Variants in ARMH1 observed in about 807,000 individuals in gnomAD.
The protein encoded by ARMH1 is armadillo-like helical domain containing protein 1.
ARMH1 carries 34 observed loss-of-function variants against 50.2 expected under a neutral mutation model. The ratio of observed to expected loss-of-function variants is 0.68; its 90% confidence interval spans 0.51 to 0.90. The LOEUF is 0.90. ARMH1 is among the 40% of genes least tolerant of loss of function. ARMH1 has a pLI of 0.00. For synonymous variants in ARMH1, 221 were observed against 224.2 expected (o/e 0.99, Z 0.13); for missense variants, 538 against 553.9 (o/e 0.97, Z 0.29).
chr1:44,700,848 C>G, intron 4 of ARMH1, 75 bp from the exon 5 acceptor site: 1 of 1,298,768 alleles, frequency 7.7e-7, no homozygotes, highest in Non-Finnish European at 1.0e-6. Flanking sequence ...TAATCCTATT[C>G]ATATTATATA....
At chr1:44,712,474 A>G (rs553048404) in intron 6 of ARMH1, among the ~76,000 whole-genome samples, 1 of 151,154 alleles carries the variant, frequency 6.6e-6, no homozygotes, top group African/African-American at 2.4e-5. Flanking sequence ...GTCTCTACTA[A>G]AACTACAAAA....
chr1:44,689,787 C>T lies in ARMH1; in HGVS notation c.90C>T (p.His30=). Residue 30 remains histidine (H), a synonymous_variant, in exon 2 of 12, where the codon CAC becomes CAT. Coordinates refer to ENST00000535358, the MANE Select transcript of ARMH1 (RefSeq NM_001145636.2). ...ACGCTGGCAAAGTCGCAAGGAGTCA[C>T]ATCCTCGACAAGTTCATTGAAACCA... ...WDNAGKVARS[H]ILDKFIETNQ... The T allele has an allele frequency of 6.4e-7, 1 of 1,551,918 alleles. No homozygotes were observed. Among genetic ancestry groups the T allele is most frequent in the Non-Finnish European group, 8.7e-7 (1 of 1,147,042 alleles).
chr1:44,718,680 G>C (rs1646950443), intron 6 of ARMH1, among the ~76,000 whole-genome samples: 1 of 152,212 alleles, frequency 6.6e-6, no homozygotes, highest in Admixed American at 6.5e-5. Flanking sequence ...GGCTACCTTA[G>C]AAGACTTAGA....
chr1:44,724,091 G>T lies in ARMH1; in HGVS notation c.725-31G>T. On this transcript the variant is annotated intron_variant, in intron 6 of 11. Transcript: ENST00000535358. This position sits in a 1 kb window ranked among gnomAD's most constrained non-coding sequence, Gnocchi z 6.4. ...TTCCTCGGTGGCGGAGGGGCCTGGGGCCTCTCTCCAGCACCTCTGCCCTTC... is the reference window on the plus strand; with the variant it reads ...TTCCTCGGTGGCGGAGGGGCCTGGGTCCTCTCTCCAGCACCTCTGCCCTTC... 1 of 1,545,026 alleles carries T rather than the reference G, an allele frequency of 6.5e-7. No homozygotes were observed. Among genetic ancestry groups the T allele is most frequent in the Non-Finnish European group, 8.7e-7 (1 of 1,143,498 alleles).
At chr1:44,695,330 A>G (rs1005660171) in intron 2 of ARMH1, among the ~76,000 whole-genome samples, 2 of 152,252 alleles carry the variant, frequency 1.3e-5, no homozygotes, top group African/African-American at 4.8e-5. Context: ...CAGTTAGCAC[A>G]GTGCCCCGCA....
intron 3 of ARMH1, among the ~76,000 whole-genome samples, chr1:44,697,749 T>C (rs1380279596): frequency 6.6e-6 from 1 of 152,104 alleles, no homozygotes; most frequent in East Asian, 1.9e-4. Context: ...TGACATACCC[T>C]GTCACCTCCT....
intron 2 of ARMH1, among the ~76,000 whole-genome samples, chr1:44,695,774 C>G (rs989554868): frequency 6.6e-6 from 1 of 151,862 alleles, no homozygotes; most frequent in Non-Finnish European, 1.5e-5. Context: ...ACCCCTGTCT[C>G]TACAAAAAAT....
At chr1:44,675,363 G>A (rs1645100541) in intron 1 of ARMH1, among the ~76,000 whole-genome samples, 1 of 152,070 alleles carries the variant, frequency 6.6e-6, no homozygotes, top group African/African-American at 2.4e-5. Context: ...ATAGGGAGGG[G>A]GAAAGACTCT....
rs1450315929 is a variant in ARMH1 at position 44,689,892 on chromosome 1, G to T, written c.195G>T (p.Ser65=). ...ASLFLVRLTT[S]LRITYMTDSC... is the part of the protein sequence containing the mutation. ...TGTTCCTGGTACGCTTGACCACCTC[G>T]CTTAGAATCACGTATCCTTTACTGA... The change falls in exon 2 of 12, where the codon TCG becomes TCT. Residue 65 remains serine (S), a synonymous_variant. Transcript: ENST00000535358. The T allele has an allele frequency of 1.4e-5, 22 of 1,550,036 alleles. No homozygotes were observed. The highest frequency in any genetic ancestry group is 1.8e-5 in the Non-Finnish European group (21 of 1,146,868).
intron 6 of ARMH1, among the ~76,000 whole-genome samples, chr1:44,723,337 G>A (rs575999616): frequency 1.3e-5 from 2 of 152,282 alleles, no homozygotes; most frequent in South Asian, 2.1e-4. Context: ...ACCCAATGCC[G>A]CGCCTGGCAC....
At position 44,694,810 on chromosome 1, in the gene ARMH1, C is replaced by T. The variant is rs528705213; in HGVS notation, c.207-2292C>T. 3.3e-5 allele frequency among the ~76,000 whole-genome samples: 5 copies of T among 152,174 alleles called. No homozygotes were observed. In the South Asian group the frequency reaches 1.0e-3, roughly 32 times the overall value. On this transcript the variant is annotated intron_variant, in intron 2 of 11. Transcript: ENST00000535358. The stretch of plus-strand genomic sequence containing the variant: ...GGATTACAGGTGTGAGCCACTGGGC[C>T]CAGCCTATTGAGTCTTTTTATGTTC...
intron 5 of ARMH1, among the ~76,000 whole-genome samples, chr1:44,701,986 T>A (rs1646102514): frequency 6.6e-6 from 1 of 151,054 alleles, no homozygotes. Context: ...GTGCCTATAG[T>A]CCCAGCTGCT....
chr1:44,698,098 G>A lies in ARMH1; in HGVS notation c.311G>A (p.Gly104Asp). The A allele has an allele frequency of 6.4e-7, 1 of 1,551,588 alleles. No homozygotes were observed. The highest frequency in any genetic ancestry group is 1.2e-5 in the South Asian group (1 of 83,990). The part of the protein sequence containing the change: ...RYLIEFLEVG[G>D]VLTLLEILGL... ...CTTATAGAATTTCTTGAGGTTGGAGGTGTCCTAACCCTCTTGGAAATACTT... is the reference window on the plus strand; with the variant it reads ...CTTATAGAATTTCTTGAGGTTGGAGATGTCCTAACCCTCTTGGAAATACTT... Residue 104 changes from glycine to aspartate, a missense_variant, in exon 4 of 12, where the codon GGT (glycine) becomes GAT (aspartate). Gly to Asp is a moderately conservative substitution (Grantham distance 94). Transcript: ENST00000535358.
At chr1:44,716,763 A>G (rs1369055630) in intron 6 of ARMH1, among the ~76,000 whole-genome samples, 1 of 152,048 alleles carries the variant, frequency 6.6e-6, no homozygotes, top group Non-Finnish European at 1.5e-5. Context: ...GCCCACACAC[A>G]GTTCATTTTC....
At chr1:44,700,872 A>AT (rs889164293) in intron 4 of ARMH1, 51 bp from the exon 5 acceptor site, 7 of 1,448,308 alleles carry the variant, frequency 4.8e-6, no homozygotes, top group African/African-American at 1.4e-5. Context: ...TTGAGTGGGG[A>AT]TTTTTTCATA....
At chr1:44,721,644 G>GA (rs1197807864) in intron 6 of ARMH1, 2 of 152,102 alleles carry the variant, frequency 1.3e-5, no homozygotes, top group Non-Finnish European at 2.9e-5. Flanking sequence ...TGGGAGGATT[G>GA]CTTGAGCATG....
chr1:44,702,734 G>GA (rs1646145512), intron 5 of ARMH1, among the ~76,000 whole-genome samples: 1 of 141,848 alleles, frequency 7.0e-6, no homozygotes, highest in African/African-American at 2.6e-5. Context: ...AAAAAGAAAA[G>GA]AAAAGAAAAA....
intron 6 of ARMH1, among the ~76,000 whole-genome samples, chr1:44,710,272 T>G (rs1424365309): frequency 3.3e-5 from 5 of 152,064 alleles, no homozygotes; most frequent in Admixed American, 3.3e-4. Context: ...CTGTGTAAAG[T>G]TACTTAGGTT....
chr1:44,676,367 G>A lies in ARMH1; in HGVS notation c.-23+1494G>A, dbSNP rs140337675. Among the ~76,000 whole-genome samples the A allele has an allele frequency of 3.1e-3, 472 of 152,244 alleles. 5 individuals carry two copies. The East Asian group carries it at 0.037, about 12-fold the overall frequency. On this transcript the variant is annotated intron_variant, in intron 1 of 11. Coordinates refer to ENST00000535358, the MANE Select transcript of ARMH1 (RefSeq NM_001145636.2). The stretch of plus-strand genomic sequence containing the variant: ...AGTCTAACTGGAAGTTGCAGTGTGG[G>A]AGTCTATGGGGCCTTATAGATGCCA...
Sources: gnomAD v4.1 joint callset for allele counts (sites outside exome capture counted in the v4.1 genomes callset) on GRCh38, gnomAD v4.1.1 for gene constraint, Gnocchi (gnomAD v3.1) non-coding constraint, MANE v1.5 for transcripts, NCBI Gene and HGNC (gene_info 2026-07-23, HGNC 2026-07-21) for gene names.